NEDD9: variants seen among roughly 807,000 people sequenced by gnomAD.
NEDD9 encodes enhancer of filamentation 1.
NEDD9 carries 26 observed loss-of-function variants against 76.6 expected under a neutral mutation model. The observed-to-expected ratio is 0.34, with a 90% CI of 0.25 to 0.47. The LOEUF is 0.47. Ranked by LOEUF, NEDD9 falls within the 20% of genes least tolerant of loss-of-function variation. The pLI, the probability that NEDD9 is intolerant of heterozygous loss-of-function variation, is 1.00. For synonymous variants in NEDD9, 392 were observed against 414.2 expected, an observed-to-expected ratio of 0.95 and a Z score of 0.65; for missense variants, 937 against 1,058.5, an observed-to-expected ratio of 0.89 and a Z score of 1.59.
At chr6:11,285,437 A>G (rs917517064) in intron 3 of NEDD9, among the ~76,000 whole-genome samples, 8 of 152,240 alleles carry the variant, frequency 5.3e-5, no homozygotes, top group Non-Finnish European at 1.2e-4. Flanking sequence ...TATAGATTTG[A>G]TATCACCCCA....
At chr6:11,270,254 T>C (rs953050478) in intron 3 of NEDD9, among the ~76,000 whole-genome samples, 2 of 152,236 alleles carry the variant, frequency 1.3e-5, no homozygotes, top group African/African-American at 4.8e-5. Context: ...AAAGCTACAG[T>C]GTTCATTACC....
chr6:11,350,785 G>C (rs1353234107), intron 1 of NEDD9, among the ~76,000 whole-genome samples: 1 of 152,186 alleles, frequency 6.6e-6, no homozygotes, highest in East Asian at 1.9e-4. Context: ...AGACAGGTGA[G>C]TGAGCAAGTG....
chr6:11,346,443 C>CACTT (rs1762364922), intron 1 of NEDD9, among the ~76,000 whole-genome samples: 1 of 151,210 alleles, frequency 6.6e-6, no homozygotes, highest in Admixed American at 6.6e-5. Context: ...GTCTGTGGTT[C>CACTT]ACTTTCGTTG....
chr6:11,258,260 G>A (rs1357195422), intron 3 of NEDD9, among the ~76,000 whole-genome samples: 5 of 152,188 alleles, frequency 3.3e-5, no homozygotes, highest in Non-Finnish European at 7.3e-5. Context: ...GTGCTTACCA[G>A]GGAGGCTCAG....
chr6:11,232,320 T>C (rs895531028), intron 1 of NEDD9, among the ~76,000 whole-genome samples, 184 bp downstream of exon 1: 1 of 151,808 alleles, frequency 6.6e-6, no homozygotes, highest in Non-Finnish European at 1.5e-5. Flanking sequence ...ACCCCTGGAG[T>C]GGGTCTCAAA....
At chr6:11,306,051 C>T (rs756308603) in exon 3 of NEDD9, 40 of 1,612,410 alleles carry the variant, frequency 2.5e-5, no homozygotes, top group South Asian at 5.5e-5. Context: ...AGGACAATTC[C>T]GGCGTTTTAC....
intron 5 of NEDD9, among the ~76,000 whole-genome samples, chr6:11,188,772 C>T (rs376464058): frequency 6.6e-6 from 1 of 152,150 alleles, no homozygotes; most frequent in East Asian, 1.9e-4. Flanking sequence ...TCTCTCTCTC[C>T]ACTTCCTTCC....
At chr6:11,218,880 T>C (rs1759054272) in intron 1 of NEDD9, among the ~76,000 whole-genome samples, 1 of 152,178 alleles carries the variant, frequency 6.6e-6, no homozygotes, top group Non-Finnish European at 1.5e-5. Context: ...ATCGGGAGCC[T>C]GACCCCCCTG....
At chr6:11,210,101 G>A (rs10947026) in intron 2 of NEDD9, among the ~76,000 whole-genome samples, 30,882 of 151,614 alleles carry the variant, frequency 0.2, 3,439 homozygotes, top group African/African-American at 0.26. Flanking sequence ...TCAGATTGGA[G>A]CATGTCCCAG....
intron 2 of NEDD9, among the ~76,000 whole-genome samples, chr6:11,211,932 A>T (rs1216151454): frequency 6.6e-6 from 1 of 152,074 alleles, no homozygotes; most frequent in East Asian, 1.9e-4. Context: ...TGGCCCTGGC[A>T]CCTCCCCAGC....
chr6:11,250,612 T>C (rs1347362432), intron 3 of NEDD9, among the ~76,000 whole-genome samples: 1 of 152,126 alleles, frequency 6.6e-6, no homozygotes, highest in Non-Finnish European at 1.5e-5. Context: ...CCAGTGGGAA[T>C]CGCTCCTCCC....
At chr6:11,259,935 A>AACACAC (rs55634199) in intron 3 of NEDD9, among the ~76,000 whole-genome samples, 56 of 142,594 alleles carry the variant, frequency 3.9e-4, no homozygotes, top group East Asian at 1.0e-3. Flanking sequence ...CTGCGCCCTT[A>AACACAC]ACACACACAC....
At chr6:11,234,705 A>C (rs1322612225), upstream of NEDD9, among the ~76,000 whole-genome samples, 1 of 125,926 alleles carries the variant, frequency 7.9e-6, no homozygotes, top group African/African-American at 3.3e-5. Flanking sequence ...ACCTCAAAAC[A>C]TTTTTAATTT....
Position 11,198,005 on chromosome 6 carries a change from G to C in NEDD9, c.460-4313C>G, listed in dbSNP as rs1758331024. Among the ~76,000 whole-genome samples the C allele has an allele frequency of 6.6e-6, 1 of 152,096 alleles. No homozygotes were observed. Among genetic ancestry groups the C allele is most frequent in the Non-Finnish European group, 1.5e-5 (1 of 68,020 alleles). On this transcript the variant is annotated intron_variant, in intron 2 of 6. Coordinates refer to ENST00000379446, the MANE Select transcript of NEDD9 (RefSeq NM_006403.4). This position sits in a 1 kb window ranked among gnomAD's most constrained non-coding sequence, Gnocchi z 4.7. ...TCCCTGAGCTGGTACCCATAGCAGA[G>C]CAAGGGTCCTATACTCAGATGCTCA... is the stretch of plus-strand genomic sequence containing the variant.
At chr6:11,189,281 G>A (rs1758066326) in intron 5 of NEDD9, among the ~76,000 whole-genome samples, 1 of 152,212 alleles carries the variant, frequency 6.6e-6, no homozygotes, top group South Asian at 2.1e-4. Context: ...GGAAGGGAAA[G>A]CTGTCGGAAT....
chr6:11,222,468 G>A (rs1759170634), intron 1 of NEDD9, among the ~76,000 whole-genome samples: 1 of 152,240 alleles, frequency 6.6e-6, no homozygotes, highest in Non-Finnish European at 1.5e-5. Context: ...TGAAGCTGCA[G>A]CTTCTTAGTT....
chr6:11,225,054 A>T (rs1472154353), intron 1 of NEDD9, among the ~76,000 whole-genome samples: 1 of 152,236 alleles, frequency 6.6e-6, no homozygotes, highest in East Asian at 1.9e-4. Flanking sequence ...TGTTTTGGTT[A>T]CTGCAACTTT....
intron 1 of NEDD9, among the ~76,000 whole-genome samples, chr6:11,221,614 T>C (rs1759148067): frequency 6.6e-6 from 1 of 152,166 alleles, no homozygotes. Flanking sequence ...TCTAGAATTT[T>C]TCCCCACCGG....
intron 3 of NEDD9, chr6:11,305,884 C>T (rs2113420240): frequency 1.5e-6 from 2 of 1,319,140 alleles, no homozygotes; most frequent in East Asian, 2.3e-5. Flanking sequence ...AGTTGCAGGC[C>T]CGTATGACAA....
Sources: allele counts gnomAD v4.1 joint callset (sites outside exome capture counted in the v4.1 genomes callset), GRCh38; gene constraint gnomAD v4.1.1; non-coding constraint Gnocchi (gnomAD v3.1); transcripts MANE v1.5; gene names NCBI Gene and HGNC (gene_info 2026-07-23, HGNC 2026-07-21).